The following TIMM23 variants were observed in gnomAD, a reference collection of about 807,000 sequenced individuals.
The protein encoded by TIMM23 is mitochondrial import inner membrane translocase subunit Tim23.
Under a neutral mutation model 30.7 loss-of-function variants are expected in TIMM23, and 19 were observed. The observed-to-expected ratio is 0.62, with a 90% CI of 0.43 to 0.91. TIMM23 has a LOEUF of 0.91. Ranked by LOEUF, TIMM23 falls within the 40% of genes least tolerant of loss-of-function variation. TIMM23 has a pLI of 0.00. For synonymous variants in TIMM23, 78 were observed against 98.5 expected (o/e 0.79, Z 1.23); for missense variants, 202 against 269.2 (o/e 0.75, Z 1.75).
intron 6 of TIMM23, among the ~76,000 whole-genome samples, chr10:45,996,458 T>C (rs1458799280): frequency 6.7e-6 from 1 of 150,134 alleles, no homozygotes; most frequent in Non-Finnish European, 1.5e-5. Flanking sequence ...TCTATAAAAT[T>C]GGGGTATGAT....
chr10:45,990,490 A>G (rs1838133249), intron 6 of TIMM23, among the ~76,000 whole-genome samples: 1 of 150,722 alleles, frequency 6.6e-6, no homozygotes, highest in South Asian at 2.1e-4. Context: ...GGCACAATCA[A>G]GGCTCACTGT....
intron 6 of TIMM23, among the ~76,000 whole-genome samples, chr10:45,996,286 T>C (rs1168925435): frequency 7.0e-6 from 1 of 143,748 alleles, no homozygotes; most frequent in African/African-American, 2.8e-5. Flanking sequence ...GGCGTGAACC[T>C]GGGAGGCAAG....
chr10:45,981,836 T>C (rs1277359220), intron 2 of TIMM23, among the ~76,000 whole-genome samples: 3 of 152,186 alleles, frequency 2.0e-5, no homozygotes, highest in Non-Finnish European at 4.4e-5. Context: ...TGTTTGTTTT[T>C]TTGAGTGTGT....
chr10:45,982,570 C>T lies in TIMM23; in HGVS notation c.213C>T (p.Gly71=). Residue 71 remains glycine (G), a synonymous_variant, in exon 3 of 7, where the codon GGC becomes GGT. Transcript: ENST00000580018. Reference sequence around the variant, plus strand: ...CTACCGGAGCTAATAAAACCCGGGGCAGATTTGAGCTGGCCTTCTTTACGA... The same window carrying T: ...CTACCGGAGCTAATAAAACCCGGGGTAGATTTGAGCTGGCCTTCTTTACGA... The part of the protein sequence containing the change: ...ILPTGANKTR[G]RFELAFFTIG... 2 of 1,613,860 alleles carry T rather than the reference C, an allele frequency of 1.2e-6. No homozygotes were observed. Among genetic ancestry groups the T allele is most frequent in the East Asian group, 2.2e-5 (1 of 44,868 alleles).
chr10:45,994,775 A>G lies in TIMM23; in HGVS notation c.514+5928A>G, dbSNP rs1162406555. 2.6e-5 allele frequency among the ~76,000 whole-genome samples: 4 copies of G among 151,494 alleles called. No individual in the cohort carries two copies. In the East Asian group the frequency reaches 7.8e-4, roughly 29 times the overall value. ...TTTTAAATTTCTGTATTTAAAGAGT[A>G]CATTGGGGATTGGAAATAGTTTAGA... On this transcript the variant is annotated intron_variant, in intron 6 of 6. Transcript: ENST00000580018.
chr10:46,003,059 C>T, intron 6 of TIMM23, 144 bp from the exon 7 acceptor site: 5 of 587,244 alleles, frequency 8.5e-6, no homozygotes, highest in Non-Finnish European at 1.5e-5. Flanking sequence ...TCAAGCGATC[C>T]ACCCACCTCG....
In TIMM23 at chr10:45,976,762, A is replaced by G. The variant is rs1395966917; in HGVS notation, c.165+1250A>G. On this transcript the variant is annotated intron_variant, in intron 2 of 6. Coordinates refer to ENST00000580018, the MANE Select transcript of TIMM23 (RefSeq NM_006327.4). ...AATAAGTATATTTACTCTCATTTAT[A>G]TTCAGCATTGTCTGGCCAGGGCAAT... Among the ~76,000 whole-genome samples the G allele has an allele frequency of 8.6e-3, 1,316 of 152,266 alleles. 10 individuals carry two copies. Among genetic ancestry groups the G allele is most frequent in the Non-Finnish European group, 0.012 (832 of 68,024 alleles).
chr10:45,988,687 A>G (rs1838070492), intron 5 of TIMM23, 50 bp from the exon 6 acceptor site: 14 of 1,492,872 alleles, frequency 9.4e-6, no homozygotes, highest in Middle Eastern at 1.7e-4. Flanking sequence ...ATATCATAAT[A>G]TCACACTTTA....
At chr10:45,978,045 A>G (rs1837729482) in intron 2 of TIMM23, among the ~76,000 whole-genome samples, 1 of 152,026 alleles carries the variant, frequency 6.6e-6, no homozygotes, top group Non-Finnish European at 1.5e-5. Flanking sequence ...AAAAAAATAA[A>G]AAAATAAATA....
At chr10:45,983,319 G>T (rs1345844884) in intron 4 of TIMM23, among the ~76,000 whole-genome samples, 1 of 152,072 alleles carries the variant, frequency 6.6e-6, no homozygotes, top group Non-Finnish European at 1.5e-5. Context: ...GAGAGTGATG[G>T]CTCAAGCTGC....
Position 45,993,288 on chromosome 10 carries a change from CAGACTGG to C in TIMM23, c.514+4444_514+4450del, listed in dbSNP as rs1241769435. Among the ~76,000 whole-genome samples, 351 of 144,690 alleles carry C rather than the reference CAGACTGG, an allele frequency of 2.4e-3. 2 individuals are homozygous for C. The highest frequency in any genetic ancestry group is 8.4e-3 in the African/African-American group (324 of 38,360). 94.9% of individuals were successfully genotyped at this position (144,690 alleles called of 152,430 possible). A position where few individuals can be genotyped will look rare whatever the true frequency, so the allele number is the denominator to read the frequency against. ...GAGACTGAGTTTCACTCTCGTTGGCCAGACTGGAGTGCAATGGCATGATCTCGGCTCA... is the reference window on the plus strand; with the variant it reads ...GAGACTGAGTTTCACTCTCGTTGGCCAGTGCAATGGCATGATCTCGGCTCA... On this transcript the variant is annotated intron_variant, in intron 6 of 6. Transcript: ENST00000580018.
Position 45,982,847 on chromosome 10 carries a change from G to C in TIMM23, c.261G>C (p.Gly87=). ...FFTIGGCCMT[G]AAFGAMNGLR... is the part of the protein sequence containing the mutation. ...GGGTGAATTGTTATGATTTACCAGG[G>C]GCTGCGTTTGGTGCAATGAATGGTC... The change falls in exon 4 of 7, where the codon GGG becomes GGC. Residue 87 remains glycine, a splice_region_variant and synonymous_variant. Coordinates refer to ENST00000580018, the MANE Select transcript of TIMM23 (RefSeq NM_006327.4). 1 of 1,613,804 alleles carries C rather than the reference G, an allele frequency of 6.2e-7. No homozygotes were observed. Among genetic ancestry groups the C allele is most frequent in the East Asian group, 2.2e-5 (1 of 44,872 alleles).
At chr10:45,992,283 C>G in intron 6 of TIMM23, 1 of 432,736 alleles carries the variant, frequency 2.3e-6, no homozygotes, top group Non-Finnish European at 4.6e-6. Context: ...TTTTTGACTC[C>G]CCATAGTACT....
chr10:45,990,232 C>G (rs1838120475), intron 6 of TIMM23, among the ~76,000 whole-genome samples: 1 of 150,996 alleles, frequency 6.6e-6, no homozygotes, highest in Non-Finnish European at 1.5e-5. Flanking sequence ...AAGCAGTTCT[C>G]CCATCTCAGC....
At chr10:45,979,363 C>T (rs1411739414) in intron 2 of TIMM23, among the ~76,000 whole-genome samples, 1 of 152,224 alleles carries the variant, frequency 6.6e-6, no homozygotes, top group Non-Finnish European at 1.5e-5. Context: ...GTAGCAGCAT[C>T]ATAGCTCACT....
chr10:45,996,825 C>G, intron 6 of TIMM23, among the ~76,000 whole-genome samples: 1 of 151,780 alleles, frequency 6.6e-6, no homozygotes, highest in Non-Finnish European at 1.5e-5. Context: ...ATTAGCCGGG[C>G]TTGGTGGTGG....
At position 45,979,166 on chromosome 10, in the gene TIMM23, T is replaced by G. The variant is rs1418638511; in HGVS notation, c.166-3357T>G. On this transcript the variant is annotated intron_variant, in intron 2 of 6. Transcript: ENST00000580018. Reference sequence around the variant, plus strand: ...ACTGCTAATGGGTATGTGATTTTTTTGGGGGGTGATGAAGATGCTTTAAAA... The same window carrying G: ...ACTGCTAATGGGTATGTGATTTTTTGGGGGGGTGATGAAGATGCTTTAAAA... Among the ~76,000 whole-genome samples the G allele has an allele frequency of 2.6e-5, 4 of 152,308 alleles. No individual in the cohort carries two copies. In the East Asian group the frequency reaches 7.7e-4, roughly 29 times the overall value.
chr10:45,982,777 A>T (rs1415541449), intron 3 of TIMM23, 69 bp from the exon 4 acceptor site: 9 of 1,607,018 alleles, frequency 5.6e-6, no homozygotes, highest in Non-Finnish European at 7.7e-6. Context: ...AAGTGTAGTT[A>T]TGCAGATTTG....
intron 5 of TIMM23, among the ~76,000 whole-genome samples, chr10:45,987,504 C>A (rs1462110164): frequency 6.6e-6 from 1 of 152,110 alleles, no homozygotes; most frequent in African/African-American, 2.4e-5. Context: ...TCTGACCAAC[C>A]AGCTTTGTCA....
Sources: allele counts gnomAD v4.1 joint callset (sites outside exome capture counted in the v4.1 genomes callset), GRCh38; gene constraint gnomAD v4.1.1; transcripts MANE v1.5; gene names NCBI Gene and HGNC (gene_info 2026-07-23, HGNC 2026-07-21).